Variants in AGBL3 observed in about 807,000 individuals in gnomAD.
AGBL3 encodes the protein cytosolic carboxypeptidase 3.
In AGBL3, 68 loss-of-function variants were observed where a neutral mutation model predicts 94.5. The observed-to-expected ratio is 0.72, with a 90% confidence interval of 0.59 to 0.88. The LOEUF (loss-of-function observed/expected upper bound fraction) is 0.88, where lower values mean the gene tolerates loss of function less well. AGBL3 is among the 40% of genes least tolerant of loss of function. AGBL3 has a pLI of 0.00. For missense variants in AGBL3, 934 were observed against 1,103.8 expected, an observed-to-expected ratio of 0.85 and a Z score of 2.18; for synonymous variants, 354 against 370.7, an observed-to-expected ratio of 0.95 and a Z score of 0.52.
chr7:135,023,880 C>T (rs1814786669), intron 5 of AGBL3, among the ~76,000 whole-genome samples: 1 of 152,228 alleles, frequency 6.6e-6, no homozygotes, highest in African/African-American at 2.4e-5. Flanking sequence ...TCCCAGTGGC[C>T]TAGGAGCACT....
At chr7:135,031,119 T>C (rs1049419949) in intron 5 of AGBL3, among the ~76,000 whole-genome samples, 11 of 152,162 alleles carry the variant, frequency 7.2e-5, no homozygotes, top group Non-Finnish European at 1.3e-4. Context: ...ATTCCAACAT[T>C]TGCATTATCT....
chr7:135,020,258 A>G (rs2116268558), intron 5 of AGBL3, among the ~76,000 whole-genome samples: 1 of 152,338 alleles, frequency 6.6e-6, no homozygotes, highest in African/African-American at 2.4e-5. Context: ...GGATATGAAC[A>G]GACACTTCTC....
intron 11 of AGBL3, among the ~76,000 whole-genome samples, chr7:135,052,895 T>G (rs1818006673): frequency 6.6e-6 from 1 of 152,180 alleles, no homozygotes; most frequent in South Asian, 2.1e-4. Context: ...CCAATCAATA[T>G]TCTACAGGAG....
chr7:135,088,788 G>A (rs1423242442), intron 15 of AGBL3, among the ~76,000 whole-genome samples: 1 of 152,070 alleles, frequency 6.6e-6, no homozygotes, highest in African/African-American at 2.4e-5. Context: ...CTTTTCTCTT[G>A]CTGTTTGTAG....
chr7:135,123,108 G>A (rs1381310952), intron 16 of AGBL3, among the ~76,000 whole-genome samples: 1 of 152,182 alleles, frequency 6.6e-6, no homozygotes, highest in Non-Finnish European at 1.5e-5. Flanking sequence ...TGAGCTAAAG[G>A]AGCATGTTCT....
At chr7:135,016,693 G>A (rs1472753285) in intron 4 of AGBL3, among the ~76,000 whole-genome samples, 1 of 152,134 alleles carries the variant, frequency 6.6e-6, no homozygotes, top group Admixed American at 6.5e-5. Context: ...CAAAGAAGCT[G>A]AAGGGAAAGG....
intron 13 of AGBL3, 29 bp downstream of exon 13, chr7:135,076,497 GT>G: frequency 2.0e-6 from 3 of 1,473,352 alleles, no homozygotes; most frequent in South Asian, 1.2e-5. Flanking sequence ...AGTTATTAAG[GT>G]TTTTTTAAAT....
rs533061166 is a variant in AGBL3, at chr7:134,991,534, A to G, written c.125-1959A>G. Among the ~76,000 whole-genome samples, 3 of 152,212 alleles carry G rather than the reference A, an allele frequency of 2.0e-5. No individual in the cohort carries two copies. In the East Asian group the frequency reaches 5.8e-4, roughly 29 times the overall value. ...CCACCCCACCATGTTCTCCCATGACATCCTGTATATGCCTGCATGGTTGCC... is the reference window on the plus strand; with the variant it reads ...CCACCCCACCATGTTCTCCCATGACGTCCTGTATATGCCTGCATGGTTGCC... On this transcript the variant is annotated intron_variant, in intron 3 of 16. Transcript: ENST00000436302.
chr7:134,986,952 G>A (rs1563154399), intron 1 of AGBL3, among the ~76,000 whole-genome samples: 1 of 152,270 alleles, frequency 6.6e-6, no homozygotes, highest in Non-Finnish European at 1.5e-5. Flanking sequence ...GATAAGGGCC[G>A]TTTCCTGAGA....
chr7:135,132,372 AT>A (rs753448784), intron 16 of AGBL3, among the ~76,000 whole-genome samples: 4 of 152,360 alleles, frequency 2.6e-5, no homozygotes, highest in East Asian at 1.9e-4. Flanking sequence ...TCAAAAAGTA[AT>A]TGATGAAATC....
intron 5 of AGBL3, among the ~76,000 whole-genome samples, chr7:135,023,887 C>T (rs925579634): frequency 6.6e-6 from 1 of 152,248 alleles, no homozygotes; most frequent in African/African-American, 2.4e-5. Context: ...GGCCTAGGAG[C>T]ACTTCACATC....
At chr7:134,997,539 C>A (rs1811163450) in intron 4 of AGBL3, among the ~76,000 whole-genome samples, 1 of 152,190 alleles carries the variant, frequency 6.6e-6, no homozygotes, top group African/African-American at 2.4e-5. Flanking sequence ...TATTTACATT[C>A]AGTGCCCACA....
At chr7:135,077,483 C>T (rs1221120926) in intron 13 of AGBL3, among the ~76,000 whole-genome samples, 2 of 152,024 alleles carry the variant, frequency 1.3e-5, no homozygotes, top group African/African-American at 2.4e-5. Context: ...ATAAATTTTG[C>T]CCTGATGAAA....
Position 135,099,565 on chromosome 7 carries a change from A to G in AGBL3, c.2111-15815A>G, listed in dbSNP as rs181607744. Among the ~76,000 whole-genome samples the G allele has an allele frequency of 3.9e-3, 601 of 152,280 alleles. 3 individuals are homozygous for G. The highest frequency in any genetic ancestry group is 3.6e-3 in the Non-Finnish European group (242 of 68,030). On this transcript the variant is annotated intron_variant, in intron 15 of 16. Coordinates refer to ENST00000436302, the MANE Select transcript of AGBL3 (RefSeq NM_178563.4). ...CGAGCCCCTTCTTGGCTTCTAAAAA[A>G]ATATTTGAGGTAGGAGAACTGTACT...
intron 11 of AGBL3, among the ~76,000 whole-genome samples, chr7:135,052,245 G>T (rs1817944456): frequency 6.6e-6 from 1 of 152,016 alleles, no homozygotes; most frequent in South Asian, 2.1e-4. Flanking sequence ...CATACCATCA[G>T]CATTGTTCCA....
chr7:135,039,733 T>G (rs1242848286), intron 8 of AGBL3, among the ~76,000 whole-genome samples: 1 of 151,674 alleles, frequency 6.6e-6, no homozygotes, highest in African/African-American at 2.4e-5. Flanking sequence ...AGACTCCATC[T>G]CAAAAAAGAA....
chr7:135,066,281 A>G (rs1819293298), intron 12 of AGBL3, among the ~76,000 whole-genome samples: 1 of 152,216 alleles, frequency 6.6e-6, no homozygotes, highest in South Asian at 2.1e-4. Flanking sequence ...ACTTAATAGC[A>G]AAAGAACCCA....
At chr7:135,025,899 A>C (rs1815035893) in intron 5 of AGBL3, among the ~76,000 whole-genome samples, 1 of 101,274 alleles carries the variant, frequency 9.9e-6, no homozygotes, top group Non-Finnish European at 2.1e-5. Flanking sequence ...AAATATATAT[A>C]AACCCAACAA....
chr7:135,054,541 A>C (rs1237021057), intron 11 of AGBL3, among the ~76,000 whole-genome samples: 2 of 152,210 alleles, frequency 1.3e-5, no homozygotes, highest in African/African-American at 4.8e-5. Context: ...AAAAAAGATA[A>C]AGCAACTTTA....
Sources: gnomAD v4.1 joint callset for allele counts (sites outside exome capture counted in the v4.1 genomes callset) on GRCh38, gnomAD v4.1.1 for gene constraint, MANE v1.5 for transcripts, NCBI Gene and HGNC (gene_info 2026-07-23, HGNC 2026-07-21) for gene names.